GSK3B: variants seen among roughly 807,000 people sequenced by gnomAD.
The protein encoded by GSK3B is glycogen synthase kinase-3 beta.
A neutral mutation model predicts 56.4 loss-of-function variants in GSK3B; 15 were observed. The ratio of observed to expected loss-of-function variants is 0.27; its 90% CI spans 0.18 to 0.41. The LOEUF (loss-of-function observed/expected upper bound fraction) is 0.41. GSK3B is among the 10% of genes least tolerant of loss of function. The pLI, the probability that GSK3B is intolerant of heterozygous loss-of-function variation, is 1.00. For synonymous variants in GSK3B, 181 were observed against 188.9 expected, an observed-to-expected ratio of 0.96 and a Z score of 0.34; for missense variants, 300 against 513.4, an observed-to-expected ratio of 0.58 and a Z score of 4.02.
intron 2 of GSK3B, among the ~76,000 whole-genome samples, chr3:119,948,559 T>C (rs2057123588): frequency 6.6e-6 from 1 of 152,208 alleles, no homozygotes; most frequent in African/African-American, 2.4e-5. Flanking sequence ...ACAGTACAAT[T>C]ACTTTAACAA....
chr3:119,978,646 C>A (rs1434859727), intron 2 of GSK3B, among the ~76,000 whole-genome samples: 1 of 152,138 alleles, frequency 6.6e-6, no homozygotes, highest in Non-Finnish European at 1.5e-5. Context: ...TTTTCTCTCA[C>A]TTCACTTTTC....
At chr3:119,974,087 A>C (rs760919681) in intron 2 of GSK3B, among the ~76,000 whole-genome samples, 1 of 152,228 alleles carries the variant, frequency 6.6e-6, no homozygotes, top group Admixed American at 6.5e-5. Context: ...AAACACATCC[A>C]TGAAAGAAAA....
chr3:119,984,702 C>A (rs951918098), intron 2 of GSK3B, among the ~76,000 whole-genome samples: 2 of 152,114 alleles, frequency 1.3e-5, no homozygotes, highest in African/African-American at 4.8e-5. Context: ...ATAACAGGCT[C>A]TGAAATTGAG....
At chr3:119,879,071 T>C (rs1439466607) in intron 7 of GSK3B, among the ~76,000 whole-genome samples, 1 of 152,212 alleles carries the variant, frequency 6.6e-6, no homozygotes, top group Non-Finnish European at 1.5e-5. Context: ...ACATAGTAGG[T>C]GTATGTATCT....
intron 2 of GSK3B, among the ~76,000 whole-genome samples, chr3:119,960,503 T>C (rs1420176985): frequency 6.6e-6 from 1 of 152,188 alleles, no homozygotes; most frequent in African/African-American, 2.4e-5. Flanking sequence ...GTGGATTCTA[T>C]CAATGCCAAT....
At chr3:119,970,226 T>C (rs1352269164) in intron 2 of GSK3B, among the ~76,000 whole-genome samples, 2 of 152,216 alleles carry the variant, frequency 1.3e-5, no homozygotes, top group Admixed American at 1.3e-4. Context: ...AGTCTTGGAA[T>C]GTATCCTTCT....
chr3:120,010,794 A>C (rs2057772080), intron 1 of GSK3B, among the ~76,000 whole-genome samples: 1 of 152,142 alleles, frequency 6.6e-6, no homozygotes, highest in Non-Finnish European at 1.5e-5. Context: ...ATGGCCAGGC[A>C]TGGTAGTTCA....
chr3:119,887,243 A>AT (rs2056446441), intron 7 of GSK3B, among the ~76,000 whole-genome samples: 1 of 152,158 alleles, frequency 6.6e-6, no homozygotes, highest in Admixed American at 6.6e-5. Context: ...CTGTGATGAA[A>AT]TAACGAACAC....
Position 120,011,158 on chromosome 3 carries a change from TTA to T in GSK3B, c.89-8921_89-8920del, listed in dbSNP as rs753090059. Among the ~76,000 whole-genome samples, 6 of 152,288 alleles carry T rather than the reference TTA, an allele frequency of 3.9e-5. No homozygotes were observed. The East Asian group carries it at 7.7e-4, about 20-fold the overall frequency. On this transcript the variant is annotated intron_variant, in intron 1 of 10. Transcript: ENST00000264235. ...AAACTGTCTGGGGTCCAACCAAAAA[TTA>T]TGTTTTTCTACTGCATAACCATATT...
chr3:120,076,721 G>A (rs2058369902), intron 1 of GSK3B, among the ~76,000 whole-genome samples: 1 of 148,864 alleles, frequency 6.7e-6, no homozygotes, highest in Non-Finnish European at 1.5e-5. Context: ...GGCTGAGGCA[G>A]GAGAATGGCG....
intron 8 of GSK3B, among the ~76,000 whole-genome samples, chr3:119,867,863 T>A (rs548704957): frequency 5.7e-4 from 86 of 152,208 alleles, no homozygotes; most frequent in African/African-American, 1.6e-3. Context: ...CAGATTAAAA[T>A]CTGGCCCATC....
At chr3:120,028,058 G>A (rs1359404743) in intron 1 of GSK3B, among the ~76,000 whole-genome samples, 1 of 152,174 alleles carries the variant, frequency 6.6e-6, no homozygotes, top group Non-Finnish European at 1.5e-5. Flanking sequence ...TCAGCAAAGA[G>A]ATGAATTGAG....
At chr3:119,947,146 G>A in intron 3 of GSK3B, 122 bp downstream of exon 3, 1 of 657,886 alleles carries the variant, frequency 1.5e-6, no homozygotes, top group South Asian at 1.9e-5. Flanking sequence ...TATTGCTGGG[G>A]CAAGTGTTTC....
intron 9 of GSK3B, among the ~76,000 whole-genome samples, chr3:119,861,525 C>A (rs1042293217): frequency 1.2e-3 from 175 of 146,158 alleles, no homozygotes; most frequent in East Asian, 7.9e-3. Context: ...AAAAAAAAAA[C>A]AAAACAAACA....
intron 1 of GSK3B, among the ~76,000 whole-genome samples, chr3:120,069,830 A>T (rs2058311463): frequency 6.6e-6 from 1 of 152,162 alleles, no homozygotes; most frequent in African/African-American, 2.4e-5. Context: ...CCTAGTGACA[A>T]CTGCAACTTT....
intron 2 of GSK3B, among the ~76,000 whole-genome samples, chr3:119,983,699 TTC>T (rs900175438): frequency 6.6e-6 from 1 of 152,128 alleles, no homozygotes; most frequent in African/African-American, 2.4e-5. Context: ...AGCACCCAGA[TTC>T]ATAAAGCAAG....
At chr3:119,923,043 C>A (rs911002979) in intron 4 of GSK3B, among the ~76,000 whole-genome samples, 4 of 152,172 alleles carry the variant, frequency 2.6e-5, no homozygotes, top group Non-Finnish European at 5.9e-5. Flanking sequence ...TTATATGATA[C>A]GCTCCTATTT....
At chr3:119,971,668 G>A (rs1186194920) in intron 2 of GSK3B, among the ~76,000 whole-genome samples, 1 of 127,074 alleles carries the variant, frequency 7.9e-6, no homozygotes, top group Non-Finnish European at 1.6e-5. Context: ...CTGGAGTGCA[G>A]TGGCGGGATC....
intron 3 of GSK3B, among the ~76,000 whole-genome samples, chr3:119,936,314 T>C (rs2056992976): frequency 6.8e-6 from 1 of 146,008 alleles, no homozygotes; most frequent in African/African-American, 2.5e-5. Flanking sequence ...TAAATATATA[T>C]AAAAATATAA....
Sources: allele counts gnomAD v4.1 joint callset (sites outside exome capture counted in the v4.1 genomes callset), GRCh38; gene constraint gnomAD v4.1.1; transcripts MANE v1.5; gene names NCBI Gene and HGNC (gene_info 2026-07-23, HGNC 2026-07-21).